The following CERS3 variants were observed in gnomAD, a reference collection of about 807,000 sequenced individuals.
The protein encoded by CERS3 is ceramide synthase 3, also known as LAG1 homolog, ceramide synthase 3.
A neutral mutation model predicts 50.3 loss-of-function variants in CERS3; 33 were observed. The observed-to-expected ratio is 0.66, with a 90% CI of 0.50 to 0.88. The LOEUF (loss-of-function observed/expected upper bound fraction) is 0.88, where lower values mean the gene tolerates loss of function less well. CERS3 is among the 40% of genes least tolerant of loss of function. The probability of loss-of-function intolerance (pLI) is 0.00; values close to 1 mark genes in which losing one functional copy is unlikely to be tolerated. For missense variants in CERS3, 470 were observed against 460.3 expected (o/e 1.02, Z -0.19); for synonymous variants, 176 against 155.2 (o/e 1.13, Z -0.99).
intron 11 of CERS3, among the ~76,000 whole-genome samples, chr15:100,409,998 G>T (rs2031352430): frequency 1.3e-5 from 2 of 152,068 alleles, no homozygotes; most frequent in African/African-American, 2.4e-5. Context: ...CCTTGGGAAG[G>T]TTTTCCTACA....
chr15:100,440,581 G>A (rs1229887723), intron 11 of CERS3, among the ~76,000 whole-genome samples: 1 of 152,256 alleles, frequency 6.6e-6, no homozygotes, highest in Non-Finnish European at 1.5e-5. Flanking sequence ...AGCCTGTTTG[G>A]TGGTCTCTTC....
At chr15:100,473,272 G>T (rs1030047173) in intron 8 of CERS3, among the ~76,000 whole-genome samples, 1 of 152,096 alleles carries the variant, frequency 6.6e-6, no homozygotes, top group Non-Finnish European at 1.5e-5. Context: ...ATCCCACACT[G>T]GATATATGTG....
intron 2 of CERS3, among the ~76,000 whole-genome samples, chr15:100,505,443 G>T (rs1231481251): frequency 6.6e-6 from 1 of 152,194 alleles, no homozygotes; most frequent in Non-Finnish European, 1.5e-5. Context: ...AAGATGGAAA[G>T]AACTCAAGAG....
intron 10 of CERS3, among the ~76,000 whole-genome samples, chr15:100,467,874 G>GATAGATAGATAGATAGAT (rs779460605): frequency 0.02 from 897 of 45,970 alleles, 25 homozygotes; most frequent in African/African-American, 0.042. Flanking sequence ...TAGATAGATA[G>GATAGATAGATAGATAGAT]ATAGATATAG....
Position 100,400,797 on chromosome 15 carries a change from C to G in CERS3, c.*1916G>C, listed in dbSNP as rs972117740. 6.6e-6 allele frequency: 1 copy of G among 151,858 alleles called. No individual in the cohort carries two copies. Among genetic ancestry groups the G allele is most frequent in the Non-Finnish European group, 1.5e-5 (1 of 67,980 alleles). The allele number at this position is 151,858 out of a possible 1,614,324, so 9.4% of individuals were successfully genotyped here. A position where few individuals can be genotyped will look rare whatever the true frequency, so the allele number is the denominator to read the frequency against. ...ATAAAAAATTATATCTTAGTGTGAC[C>G]TTCTTCCAGCAAAATAATAATAATA... On this transcript the variant is annotated 3_prime_UTR_variant, in exon 12 of 12. Coordinates refer to ENST00000679737, the MANE Select transcript of CERS3 (RefSeq NM_001378789.1).
chr15:100,488,212 T>G (rs1315560963), intron 4 of CERS3, among the ~76,000 whole-genome samples: 1 of 152,220 alleles, frequency 6.6e-6, no homozygotes, highest in Non-Finnish European at 1.5e-5. Context: ...TGCCCTTCTG[T>G]GCTAACCAGC....
chr15:100,542,153 T>C (rs1255987953), intron 1 of CERS3, among the ~76,000 whole-genome samples: 3 of 152,168 alleles, frequency 2.0e-5, no homozygotes, highest in African/African-American at 7.2e-5. Context: ...AAATCTTTTA[T>C]CAAAACTGAA....
chr15:100,406,992 T>C (rs2031090342), intron 11 of CERS3, among the ~76,000 whole-genome samples: 2 of 152,136 alleles, frequency 1.3e-5, no homozygotes, highest in Non-Finnish European at 2.9e-5. Flanking sequence ...CATCAGATCT[T>C]GTGAGACTTA....
Position 100,473,043 on chromosome 15 carries a change from C to T in CERS3, c.619G>A (p.Ala207Thr). The T allele has an allele frequency of 6.2e-7, 1 of 1,612,472 alleles. No homozygotes were observed. Among genetic ancestry groups the T allele is most frequent in the Non-Finnish European group, 8.5e-7 (1 of 1,179,532 alleles). Reference protein sequence around the residue: ...GFDVKRKDFLAHIIHHLAAIS... With the variant: ...GFDVKRKDFLTHIIHHLAAIS... Reference sequence around the variant, plus strand: ...GCAGCCAGGTGGTGGATGATATGAGCTAGAAAATCCTGTAAGATGAGGGAA... The same window carrying T: ...GCAGCCAGGTGGTGGATGATATGAGTTAGAAAATCCTGTAAGATGAGGGAA... Residue 207 changes from alanine (A) to threonine (T), a missense_variant, in exon 9 of 12, where the codon GCT (alanine) becomes ACT (threonine). Transcript: ENST00000679737.
At chr15:100,467,122 C>A (rs1255370510) in intron 10 of CERS3, among the ~76,000 whole-genome samples, 1 of 151,896 alleles carries the variant, frequency 6.6e-6, no homozygotes, top group East Asian at 1.9e-4. Flanking sequence ...TCCCAAAGTA[C>A]CGGGATATAG....
rs75018333 is a variant in CERS3 at position 100,507,072 on chromosome 15, G to T, written c.-1-5222C>A. 7.0e-3 allele frequency among the ~76,000 whole-genome samples: 1,058 copies of T among 152,094 alleles called. 8 individuals carry two copies. The highest frequency in any genetic ancestry group is 0.022 in the African/African-American group (906 of 41,478). ...TGCAGCTGCCTGTTCTTCATTTATG[G>T]TGCTTAAGTTTTACCTCCCAAATTC... On this transcript the variant is annotated intron_variant, in intron 2 of 11. Coordinates refer to ENST00000679737, the MANE Select transcript of CERS3 (RefSeq NM_001378789.1).
intron 3 of CERS3, among the ~76,000 whole-genome samples, chr15:100,499,030 T>C (rs1301489719): frequency 6.6e-6 from 1 of 152,184 alleles, no homozygotes; most frequent in Non-Finnish European, 1.5e-5. Flanking sequence ...TCGCTACAGA[T>C]AGGTTACTCC....
At chr15:100,491,915 AG>A (rs2035665818) in intron 3 of CERS3, among the ~76,000 whole-genome samples, 2 of 147,476 alleles carry the variant, frequency 1.4e-5, no homozygotes. Context: ...TTAAGAGATG[AG>A]GGTTTTGCTA....
At chr15:100,427,051 G>A (rs1024372504) in intron 11 of CERS3, among the ~76,000 whole-genome samples, 3 of 152,156 alleles carry the variant, frequency 2.0e-5, no homozygotes, top group South Asian at 2.1e-4. Context: ...GAGCTGACAC[G>A]GGTTGGCAAG....
In CERS3 at chr15:100,484,658, T is replaced by C. The variant is rs759040574; in HGVS notation, c.299A>G (p.Tyr100Cys). 9 of 1,612,000 alleles carry C rather than the reference T, an allele frequency of 5.6e-6. No homozygotes were observed. The East Asian group carries it at 1.8e-4, about 32-fold the overall frequency. ...CAAGTTACACTTCTTTGCCAGTCCATAAATATCAGTCTGAAAAGGGATGAA... is the reference window on the plus strand; with the variant it reads ...CAAGTTACACTTCTTTGCCAGTCCACAAATATCAGTCTGAAAAGGGATGAA... Reference protein sequence around the residue: ...STRQPLQTDIYGLAKKCNLTE... With the variant: ...STRQPLQTDICGLAKKCNLTE... Residue 100 changes from tyrosine (Y) to cysteine (C), a missense_variant, in exon 5 of 12, where the codon TAT becomes TGT. Tyr to Cys is a radical substitution (Grantham distance 194, BLOSUM62 -2). Coordinates refer to ENST00000679737, the MANE Select transcript of CERS3 (RefSeq NM_001378789.1).
In CERS3 at chr15:100,539,720, C is replaced by A. The variant is rs184085216; in HGVS notation, c.-355+4931G>T. On this transcript the variant is annotated intron_variant, in intron 1 of 12. Transcript: ENST00000284382. ...ATTTAAGATGAGATTTGGGTGGGGA[C>A]ACAAAGATTAACCATATCAGGTAGG... is the stretch of plus-strand genomic sequence containing the variant. 9.8e-5 allele frequency among the ~76,000 whole-genome samples: 15 copies of A among 152,304 alleles called. 1 individual carries two copies. The highest frequency in any genetic ancestry group is 9.8e-4 in the Admixed American group (15 of 15,298).
At chr15:100,467,745 T>TTCTC (rs55685908) in intron 10 of CERS3, among the ~76,000 whole-genome samples, 1 of 37,198 alleles carries the variant, frequency 2.7e-5, no homozygotes, top group African/African-American at 6.5e-5. Context: ...ATTGCTATCA[T>TTCTC]TCTCTCTCTC....
At chr15:100,473,118 T>A in intron 8 of CERS3, 66 bp from the exon 9 acceptor site, 5 of 1,479,618 alleles carry the variant, frequency 3.4e-6, no homozygotes, top group Non-Finnish European at 4.6e-6. Context: ...CTGGAAGAGA[T>A]AATCATAATA....
intron 5 of CERS3, among the ~76,000 whole-genome samples, chr15:100,482,599 A>AT (rs576393428): frequency 0.066 from 1,789 of 27,064 alleles, 22 homozygotes; most frequent in Middle Eastern, 0.35. Flanking sequence ...GTGGAATTTG[A>AT]TTTTTTTTTT....
Sources: allele counts gnomAD v4.1 joint callset (sites outside exome capture counted in the v4.1 genomes callset), GRCh38; gene constraint gnomAD v4.1.1; transcripts MANE v1.5; gene names NCBI Gene and HGNC (gene_info 2026-07-23, HGNC 2026-07-21).